ANO6: variants seen among roughly 807,000 people sequenced by gnomAD.
ANO6 encodes the protein anoctamin-6.
In ANO6, 106 loss-of-function variants were observed where a neutral mutation model predicts 117.5. The observed-to-expected ratio is 0.90, with a 90% CI of 0.77 to 1.06. ANO6 has a LOEUF of 1.06. ANO6 is among the 50% of genes least tolerant of loss of function. The probability of loss-of-function intolerance (pLI) is 0.00; values close to 1 mark genes in which losing one functional copy is unlikely to be tolerated. For synonymous variants in ANO6, 367 were observed against 385.1 expected (o/e 0.95, Z 0.55); for missense variants, 955 against 1,121.1 (o/e 0.85, Z 2.12).
intron 19 of ANO6, among the ~76,000 whole-genome samples, chr12:45,428,239 G>A (rs1943552399): frequency 6.6e-6 from 1 of 152,194 alleles, no homozygotes. Flanking sequence ...AAATTATAGT[G>A]TAGTCACACA....
intron 9 of ANO6, among the ~76,000 whole-genome samples, chr12:45,371,802 G>A (rs1465524970): frequency 2.4e-4 from 36 of 152,238 alleles, no homozygotes; most frequent in Non-Finnish European, 4.0e-4. Context: ...AAAGCAGAAC[G>A]CCTCTCCTCC....
At chr12:45,424,379 C>T (rs1051887719) in intron 19 of ANO6, among the ~76,000 whole-genome samples, 2 of 125,844 alleles carry the variant, frequency 1.6e-5, no homozygotes, top group Admixed American at 1.0e-4. Flanking sequence ...CACTCTGTTG[C>T]CCAGGCTGGA....
chr12:45,268,996 G>T (rs998735295), intron 1 of ANO6, among the ~76,000 whole-genome samples: 3 of 152,174 alleles, frequency 2.0e-5, no homozygotes, highest in African/African-American at 7.2e-5. Flanking sequence ...ATTTATGGTG[G>T]AGACCAGGAC....
chr12:45,234,613 T>C (rs1947619673), intron 1 of ANO6, among the ~76,000 whole-genome samples: 1 of 152,216 alleles, frequency 6.6e-6, no homozygotes. Context: ...TGGTTTCTTT[T>C]AAGAATGACT....
intron 10 of ANO6, among the ~76,000 whole-genome samples, chr12:45,380,226 C>T (rs1449148124): frequency 6.6e-6 from 1 of 152,236 alleles, no homozygotes; most frequent in Non-Finnish European, 1.5e-5. Flanking sequence ...GAGTCCTAAA[C>T]ACCAACCCAT....
At chr12:45,290,173 T>C (rs1939049139) in intron 1 of ANO6, among the ~76,000 whole-genome samples, 2 of 149,756 alleles carry the variant, frequency 1.3e-5, no homozygotes, top group African/African-American at 4.9e-5. Flanking sequence ...CATGTAAAAT[T>C]TTTTTTTTTT....
intron 7 of ANO6, among the ~76,000 whole-genome samples, chr12:45,354,199 C>T (rs537081477): frequency 2.1e-5 from 3 of 143,622 alleles, no homozygotes; most frequent in Non-Finnish European, 4.4e-5. Flanking sequence ...CAGCTCAGAA[C>T]GCTGGGGACA....
At chr12:45,332,290 CTGT>C (rs1326439786) in intron 3 of ANO6, among the ~76,000 whole-genome samples, 3 of 130,526 alleles carry the variant, frequency 2.3e-5, no homozygotes, top group Admixed American at 7.7e-5. Flanking sequence ...CCCTCTCTCT[CTGT>C]TCTCTCTCTC....
At chr12:45,267,618 C>T (rs1938260757) in intron 1 of ANO6, among the ~76,000 whole-genome samples, 1 of 151,914 alleles carries the variant, frequency 6.6e-6, no homozygotes, top group Non-Finnish European at 1.5e-5. Flanking sequence ...TGGTGAAACC[C>T]CGTCTCTACT....
In ANO6 at chr12:45,390,412, TG is replaced by T. The variant is rs1565742774; in HGVS notation, c.1309-8del. 6.2e-7 allele frequency: 1 copy of T among 1,612,496 alleles called. No homozygotes were observed. Among genetic ancestry groups the T allele is most frequent in the African/African-American group, 1.3e-5 (1 of 74,916 alleles). ...TTGATTGACTAAACTTTTTTGTTTT[TG>T]TAATTAGGAAGAAGAACGCATTCCC... is the stretch of plus-strand genomic sequence containing the variant. On this transcript the variant is annotated splice_polypyrimidine_tract_variant and splice_region_variant and intron_variant, in intron 11 of 19. Coordinates refer to ENST00000320560, the MANE Select transcript of ANO6 (RefSeq NM_001025356.3).
chr12:45,286,736 T>G (rs1036351445), intron 1 of ANO6, among the ~76,000 whole-genome samples: 1 of 152,206 alleles, frequency 6.6e-6, no homozygotes, highest in Admixed American at 6.5e-5. Flanking sequence ...TAGCTAATGT[T>G]TGTCAAGTGT....
intron 1 of ANO6, among the ~76,000 whole-genome samples, chr12:45,218,164 C>G (rs1159643027): frequency 6.6e-6 from 1 of 152,062 alleles, no homozygotes; most frequent in African/African-American, 2.4e-5. Context: ...CCTCTAGAAA[C>G]TACTAATACT....
intron 12 of ANO6, among the ~76,000 whole-genome samples, chr12:45,398,447 G>A (rs1896023): frequency 6.6e-6 from 1 of 152,232 alleles, no homozygotes; most frequent in South Asian, 2.1e-4. Context: ...CTCCAGCTTC[G>A]TAGAAGGCAG....
chr12:45,432,488 T>C (rs1943656712), downstream of ANO6: 1 of 240,636 alleles, frequency 4.2e-6, no homozygotes, highest in African/African-American at 2.3e-5. Context: ...CTTCAGAGAT[T>C]TGCTATGGAT....
intron 1 of ANO6, among the ~76,000 whole-genome samples, chr12:45,270,131 G>A (rs770433114): frequency 6.6e-6 from 1 of 152,204 alleles, no homozygotes; most frequent in African/African-American, 2.4e-5. Flanking sequence ...GTGGTTCTCA[G>A]CCCTGGCTGC....
chr12:45,407,432 G>A lies in ANO6; in HGVS notation c.1881-1925G>A, dbSNP rs374228041. 7.0e-5 allele frequency among the ~76,000 whole-genome samples: 10 copies of A among 143,388 alleles called. No individual in the cohort carries two copies. In the East Asian group the frequency reaches 1.7e-3, roughly 25 times the overall value. The allele number at this position is 143,388 out of a possible 152,430, so 94.1% of individuals were successfully genotyped here. ...ACCACACCCAGTGACCTTAGAGTTC[G>A]GTGTCATGAAGGGTGATGGACATGT... On this transcript the variant is annotated intron_variant, in intron 15 of 19. Coordinates refer to ENST00000320560, the MANE Select transcript of ANO6 (RefSeq NM_001025356.3).
chr12:45,358,864 A>C (rs1202791842), intron 8 of ANO6, among the ~76,000 whole-genome samples: 1 of 150,992 alleles, frequency 6.6e-6, no homozygotes, highest in Non-Finnish European at 1.5e-5. Flanking sequence ...AGTTCACTGC[A>C]ACTTCTGCTT....
chr12:45,253,015 T>G (rs150543464), intron 1 of ANO6, among the ~76,000 whole-genome samples: 12 of 152,316 alleles, frequency 7.9e-5, no homozygotes, highest in African/African-American at 2.4e-4. Context: ...ATCACTGAAT[T>G]TTTCTTGCTT....
chr12:45,227,405 A>G (rs1340205516), intron 1 of ANO6, among the ~76,000 whole-genome samples: 3 of 152,138 alleles, frequency 2.0e-5, no homozygotes, highest in Non-Finnish European at 4.4e-5. Flanking sequence ...CGGTCAGATG[A>G]CCTCAGTTTA....
Sources: allele counts gnomAD v4.1 joint callset (sites outside exome capture counted in the v4.1 genomes callset), GRCh38; gene constraint gnomAD v4.1.1; transcripts MANE v1.5; gene names NCBI Gene and HGNC (gene_info 2026-07-23, HGNC 2026-07-21).